Variants in PREP observed in about 807,000 individuals in gnomAD.
PREP encodes the protein prolyl endopeptidase, also known as dJ355L5.1 (prolyl endopeptidase).
In PREP, 29 loss-of-function variants were observed where a neutral mutation model predicts 87.6. The ratio of observed to expected loss-of-function variants is 0.33; its 90% CI spans 0.25 to 0.45. The LOEUF is 0.45. Among genes scored for constraint, PREP ranks in the 20% least tolerant of loss-of-function variants. The pLI, the probability that PREP is intolerant of heterozygous loss-of-function variation, is 1.00. For synonymous variants in PREP, 337 were observed against 328.6 expected (o/e 1.03, Z -0.28); for missense variants, 695 against 886.5 (o/e 0.78, Z 2.74).
chr6:105,328,686 C>T (rs1319886593), intron 9 of PREP, 143 bp downstream of exon 9: 26 of 826,526 alleles, frequency 3.1e-5, no homozygotes, highest in African/African-American at 6.9e-5. Context: ...TCTGTTCTAC[C>T]GTTTTATTCC....
intron 2 of PREP, among the ~76,000 whole-genome samples, chr6:105,389,330 C>G (rs1001347425): frequency 2.6e-5 from 4 of 152,108 alleles, no homozygotes; most frequent in African/African-American, 9.7e-5. Flanking sequence ...TTGCTACGGT[C>G]ATAGAACAAG....
intron 2 of PREP, among the ~76,000 whole-genome samples, chr6:105,383,253 TAA>T (rs35025983): frequency 0.018 from 2,460 of 137,626 alleles, 66 homozygotes; most frequent in African/African-American, 0.058. Flanking sequence ...TCTCTACCAT[TAA>T]AAAAAAAAAA....
At chr6:105,377,282 GA>G in intron 3 of PREP, 103 bp downstream of exon 3, 1 of 1,280,866 alleles carries the variant, frequency 7.8e-7, no homozygotes, top group South Asian at 1.5e-5. Context: ...TCCTTATAAT[GA>G]ATTAATCTTA....
At chr6:105,301,174 C>T (rs1028255308) in intron 10 of PREP, among the ~76,000 whole-genome samples, 3 of 152,250 alleles carry the variant, frequency 2.0e-5, no homozygotes, top group African/African-American at 7.2e-5. Flanking sequence ...GCAGCCCCTT[C>T]AGACAGAAGA....
intron 10 of PREP, chr6:105,302,815 C>G (rs970521275): frequency 1.4e-5 from 6 of 427,038 alleles, no homozygotes; most frequent in African/African-American, 1.2e-4. Context: ...GAGACTTGAT[C>G]TTAGCCATTG....
At chr6:105,391,444 A>C (rs1338502877) in intron 2 of PREP, among the ~76,000 whole-genome samples, 1 of 152,088 alleles carries the variant, frequency 6.6e-6, no homozygotes, top group Non-Finnish European at 1.5e-5. Flanking sequence ...CTGGTCTCAA[A>C]CTCCAGGGCT....
chr6:105,365,190 C>T (rs1371744812), intron 6 of PREP, among the ~76,000 whole-genome samples: 6 of 152,122 alleles, frequency 3.9e-5, no homozygotes, highest in Admixed American at 1.3e-4. Flanking sequence ...GAGGTTGCAG[C>T]GAGCCGAAAT....
At chr6:105,285,136 A>C (rs1024386379) in intron 12 of PREP, among the ~76,000 whole-genome samples, 3 of 152,212 alleles carry the variant, frequency 2.0e-5, no homozygotes, top group Non-Finnish European at 4.4e-5. Context: ...TATAAAAACA[A>C]GGCTAACAAG....
intron 5 of PREP, 114 bp downstream of exon 5, chr6:105,373,255 G>C: frequency 8.6e-7 from 1 of 1,156,650 alleles, no homozygotes; most frequent in Non-Finnish European, 1.3e-6. Context: ...ATCCTTTGAG[G>C]AAACATGGTT....
chr6:105,351,525 A>G (rs1407844590), intron 7 of PREP, among the ~76,000 whole-genome samples: 1 of 152,234 alleles, frequency 6.6e-6, no homozygotes, highest in Non-Finnish European at 1.5e-5. Flanking sequence ...GGGAAAACAA[A>G]GAGGGTTTCC....
intron 10 of PREP, among the ~76,000 whole-genome samples, chr6:105,313,723 GC>G (rs1391288488): frequency 6.6e-6 from 1 of 152,186 alleles, no homozygotes; most frequent in Non-Finnish European, 1.5e-5. Context: ...GAGGTCTTGG[GC>G]TACAATTTCC....
chr6:105,296,049 A>C (rs994160767), intron 10 of PREP, among the ~76,000 whole-genome samples: 5 of 152,238 alleles, frequency 3.3e-5, no homozygotes, highest in Non-Finnish European at 5.9e-5. Context: ...CAAAAATTCA[A>C]TAAATTTGGA....
intron 10 of PREP, among the ~76,000 whole-genome samples, chr6:105,301,627 G>C (rs969269422): frequency 9.9e-5 from 15 of 152,206 alleles, no homozygotes; most frequent in Admixed American, 3.9e-4. Flanking sequence ...AATACAGAAG[G>C]AAAGTCTATT....
At chr6:105,382,001 G>A (rs1583098694) in intron 2 of PREP, among the ~76,000 whole-genome samples, 1 of 152,068 alleles carries the variant, frequency 6.6e-6, no homozygotes, top group Non-Finnish European at 1.5e-5. Flanking sequence ...GTGCCCTCAT[G>A]TACTCTATTT....
chr6:105,395,855 C>T (rs1773274373), intron 2 of PREP, among the ~76,000 whole-genome samples: 1 of 152,180 alleles, frequency 6.6e-6, no homozygotes, highest in East Asian at 1.9e-4. Flanking sequence ...GACAGTTTTC[C>T]AAGAGATGCA....
chr6:105,299,943 C>A (rs1008240606), intron 10 of PREP, among the ~76,000 whole-genome samples: 2 of 150,936 alleles, frequency 1.3e-5, no homozygotes, highest in Admixed American at 1.3e-4. Flanking sequence ...GTTGTCCAGG[C>A]TGGAGTGAAG....
chr6:105,401,944 A>G (rs1773439836), intron 1 of PREP, among the ~76,000 whole-genome samples: 1 of 152,240 alleles, frequency 6.6e-6, no homozygotes, highest in Non-Finnish European at 1.5e-5. Flanking sequence ...TGAGAAATGT[A>G]GCTATTAGTA....
intron 10 of PREP, among the ~76,000 whole-genome samples, chr6:105,312,574 C>G (rs1229748280): frequency 6.6e-6 from 1 of 152,290 alleles, no homozygotes; most frequent in East Asian, 1.9e-4. Context: ...GAAGCCAGCA[C>G]CACTTCTCAG....
At chr6:105,305,166 C>A (rs1770628117) in intron 10 of PREP, among the ~76,000 whole-genome samples, 1 of 152,176 alleles carries the variant, frequency 6.6e-6, no homozygotes, top group South Asian at 2.1e-4. Context: ...GCTGAAAAGA[C>A]AAACTCTGGT....
Sources: gnomAD v4.1 joint callset for allele counts (sites outside exome capture counted in the v4.1 genomes callset) on GRCh38, gnomAD v4.1.1 for gene constraint, MANE v1.5 for transcripts, NCBI Gene and HGNC (gene_info 2026-07-23, HGNC 2026-07-21) for gene names.